The following NXNL2 variants were observed in gnomAD, a reference collection of about 807,000 sequenced individuals.
The protein encoded by NXNL2 is nucleoredoxin-like protein 2.
Under a neutral mutation model 11.1 loss-of-function variants are expected in NXNL2, and 7 were observed. That is an observed-to-expected ratio of 0.63 (90% confidence interval 0.36 to 1.18). The LOEUF is 1.18. Among genes scored for constraint, NXNL2 ranks in the 50% most tolerant of loss-of-function variants. The pLI is 0.02. For missense variants in NXNL2, 233 were observed against 217.7 expected (o/e 1.07, Z -0.44); for synonymous variants, 109 against 101.8 (o/e 1.07, Z -0.42).
Position 88,573,011 on chromosome 9 carries a change from T to C in NXNL2, c.*16+1803T>C, listed in dbSNP as rs573829368. Reference sequence around the variant, plus strand: ...GGGTAATCTTGCTCAATCCCATTAATGTGTCCAATTAATATTGCCTGAAGG... The same window carrying C: ...GGGTAATCTTGCTCAATCCCATTAACGTGTCCAATTAATATTGCCTGAAGG... On this transcript the variant is annotated intron_variant, in intron 2 of 2. Transcript: ENST00000375855. 6.6e-5 allele frequency among the ~76,000 whole-genome samples: 10 copies of C among 152,234 alleles called. 1 individual carries two copies. The highest frequency in any genetic ancestry group is 6.5e-5 in the Admixed American group (1 of 15,278).
chr9:88,539,327 G>T lies in NXNL2; in HGVS notation c.302+3591G>T, dbSNP rs187190151. Reference sequence around the variant, plus strand: ...TCTGTCAGGAGTGCAGATGCTGTCGGACCTGGGGGTGCTCAGGAATCTGTA... The same window carrying T: ...TCTGTCAGGAGTGCAGATGCTGTCGTACCTGGGGGTGCTCAGGAATCTGTA... On this transcript the variant is annotated intron_variant, in intron 1 of 1. Transcript: ENST00000375854. Among the ~76,000 whole-genome samples, 321 of 152,308 alleles carry T rather than the reference G, an allele frequency of 2.1e-3. 3 individuals are homozygous for T. The highest frequency in any genetic ancestry group is 6.6e-3 in the African/African-American group (273 of 41,570).
chr9:88,566,987 T>TCTATCTATCTATCTATCTATCTAC (rs1830181512), intron 1 of NXNL2, among the ~76,000 whole-genome samples: 2 of 149,036 alleles, frequency 1.3e-5, no homozygotes, highest in South Asian at 2.2e-4. Flanking sequence ...TATCTATCTA[T>TCTATCTATCTATCTATCTATCTAC]CTATCTATCT....
At position 88,544,452 on chromosome 9, in the gene NXNL2, A is replaced by G. The variant is rs1331309046; in HGVS notation, c.376A>G (p.Thr126Ala). 1 of 1,551,694 alleles carries G rather than the reference A, an allele frequency of 6.4e-7. No homozygotes were observed. Among genetic ancestry groups the G allele is most frequent in the Admixed American group, 2.0e-5 (1 of 50,982 alleles). Residue 126 changes from threonine to alanine, a missense_variant, in exon 2 of 2, where the codon ACC becomes GCC. Coordinates refer to ENST00000375854, the MANE Select transcript of NXNL2 (RefSeq NM_001161625.2). ...VIVKQNGEVI[T>A]NKGRKQIRER... is the part of the protein sequence containing the mutation. ...TGTGAAACAAAATGGGGAGGTCATC[A>G]CCAACAAAGGGCGGAAGCAGATCCG...
At chr9:88,557,175 C>G (rs776896209) in intron 1 of NXNL2, among the ~76,000 whole-genome samples, 4 of 151,614 alleles carry the variant, frequency 2.6e-5, no homozygotes, top group Admixed American at 2.6e-4. Context: ...TTCTACTACA[C>G]TTTGAAGCAC....
At chr9:88,537,041 A>G (rs539908983) in intron 1 of NXNL2, among the ~76,000 whole-genome samples, 6 of 152,340 alleles carry the variant, frequency 3.9e-5, no homozygotes, top group African/African-American at 1.4e-4. Context: ...CATTATAGTA[A>G]TTAGGCACAA....
At position 88,541,325 on chromosome 9, in the gene NXNL2, A is replaced by G. The variant is rs1379458120; in HGVS notation, c.303-3054A>G. The stretch of plus-strand genomic sequence containing the variant: ...ATCCAGGCTGGAGTGCAGTGGTGTG[A>G]TCACAGCTCCCTGCAACCTCAAACT... On this transcript the variant is annotated intron_variant, in intron 1 of 1. Transcript: ENST00000375854. 9.6e-4 allele frequency among the ~76,000 whole-genome samples: 137 copies of G among 142,258 alleles called. No homozygotes were observed. The Middle Eastern group carries it at 0.024, about 25-fold the overall frequency. The allele number at this position is 142,258 out of a possible 152,430, so 93.3% of individuals were successfully genotyped here.
intron 1 of NXNL2, among the ~76,000 whole-genome samples, chr9:88,538,208 A>T (rs1415099039): frequency 2.0e-5 from 3 of 152,188 alleles, no homozygotes; most frequent in African/African-American, 7.2e-5. Flanking sequence ...GGCTGCCAGC[A>T]TGGGGATTTG....
intron 1 of NXNL2, among the ~76,000 whole-genome samples, chr9:88,551,583 T>C (rs927184798): frequency 5.3e-5 from 8 of 152,164 alleles, no homozygotes; most frequent in Admixed American, 5.2e-4. Flanking sequence ...TCTAAGGATA[T>C]TAACCATATT....
chr9:88,543,462 C>T (rs149355631), intron 1 of NXNL2, among the ~76,000 whole-genome samples: 403 of 152,170 alleles, frequency 2.6e-3, no homozygotes, highest in African/African-American at 8.5e-3. Context: ...GACAAGGTCT[C>T]ACTATGTTGC....
At chr9:88,582,647 C>T (rs952395207) in intron 1 of NXNL2, among the ~76,000 whole-genome samples, 2 of 150,396 alleles carry the variant, frequency 1.3e-5, no homozygotes, top group Admixed American at 1.3e-4. Context: ...CCCCTCCCTC[C>T]CTCCCTCTCT....
downstream of NXNL2, among the ~76,000 whole-genome samples, chr9:88,546,154 T>C (rs1829843004): frequency 1.3e-5 from 2 of 151,838 alleles, no homozygotes; most frequent in South Asian, 4.2e-4. Context: ...TGTTCGTGTG[T>C]GTGTGTGTGT....
chr9:88,535,578 C>G lies in NXNL2; in HGVS notation c.144C>G (p.Leu48=). Residue 48 remains leucine (L), a synonymous_variant, in exon 1 of 2, where the codon CTC becomes CTG. Transcript: ENST00000375854. ...CAPSRDFTPL[L]CDFYTALVAE... The stretch of plus-strand genomic sequence containing the variant: ...CGAGCCGCGACTTCACGCCGCTGCT[C>G]TGCGACTTCTATACGGCGCTGGTGG... 4 of 1,609,738 alleles carry G rather than the reference C, an allele frequency of 2.5e-6. No homozygotes were observed. The highest frequency in any genetic ancestry group is 3.4e-6 in the Non-Finnish European group (4 of 1,179,374).
intron 1 of NXNL2, among the ~76,000 whole-genome samples, chr9:88,568,796 C>A (rs1392218923): frequency 6.6e-6 from 1 of 152,156 alleles, no homozygotes; most frequent in Non-Finnish European, 1.5e-5. Flanking sequence ...GTTGTTTTTA[C>A]ATGAATCCAC....
At chr9:88,583,433 G>A (rs1001358104) in intron 1 of NXNL2, among the ~76,000 whole-genome samples, 1 of 152,164 alleles carries the variant, frequency 6.6e-6, no homozygotes, top group African/African-American at 2.4e-5. Context: ...GGTATTTGAC[G>A]CTGCATGGTA....
At chr9:88,559,893 C>T (rs528804034) in intron 1 of NXNL2, among the ~76,000 whole-genome samples, 16 of 152,254 alleles carry the variant, frequency 1.1e-4, no homozygotes, top group South Asian at 8.3e-4. Context: ...GTCCTGAGAA[C>T]GTAAAAGGTT....
At chr9:88,566,798 C>G (rs1830176238) in intron 1 of NXNL2, among the ~76,000 whole-genome samples, 1 of 152,106 alleles carries the variant, frequency 6.6e-6, no homozygotes, top group Non-Finnish European at 1.5e-5. Flanking sequence ...TTTCAGTGTT[C>G]AAGTCTTTCA....
chr9:88,570,781 C>A (rs927938241), intron 1 of NXNL2, among the ~76,000 whole-genome samples: 2 of 152,104 alleles, frequency 1.3e-5, no homozygotes, highest in Admixed American at 6.5e-5. Flanking sequence ...CTCATTCTGT[C>A]GCCCAGGCCA....
chr9:88,553,173 G>A (rs1829965225), intron 1 of NXNL2, among the ~76,000 whole-genome samples: 1 of 152,080 alleles, frequency 6.6e-6, no homozygotes, highest in Admixed American at 6.6e-5. Flanking sequence ...ACAACCCAAG[G>A]CTACTCATCT....
rs767356282 is a variant in NXNL2 at position 88,535,472 on chromosome 9, G to T, written c.38G>T (p.Cys13Phe). Reference protein sequence around the residue: ...DILGERHLVTCKGATVEAEAA... With the variant: ...DILGERHLVTFKGATVEAEAA... ...CTGGGCGAGCGGCACCTGGTGACCT[G>T]TAAGGGCGCGACGGTGGAGGCCGAG... The change falls in exon 1 of 2, where the codon TGT becomes TTT. Residue 13 changes from cysteine (C) to phenylalanine (F), a missense_variant. Transcript: ENST00000375854. 1.9e-6 allele frequency: 3 copies of T among 1,608,478 alleles called. No homozygotes were observed. In the Admixed American group the frequency reaches 5.0e-5, roughly 27 times the overall value.
Sources: allele counts gnomAD v4.1 joint callset (sites outside exome capture counted in the v4.1 genomes callset), GRCh38; gene constraint gnomAD v4.1.1; transcripts MANE v1.5; gene names NCBI Gene and HGNC (gene_info 2026-07-23, HGNC 2026-07-21).